The following SLC27A1 variants were observed in gnomAD, a reference collection of about 807,000 sequenced individuals.
SLC27A1 encodes solute carrier family 27 member 1.
Under a neutral mutation model 62.2 loss-of-function variants are expected in SLC27A1, and 61 were observed. The ratio of observed to expected loss-of-function variants is 0.98; its 90% CI spans 0.80 to 1.21. SLC27A1 has a LOEUF of 1.21. Ranked by LOEUF, SLC27A1 falls within the 50% of genes most tolerant of loss-of-function variation. The pLI is 0.00. For synonymous variants in SLC27A1, 435 were observed against 408.6 expected, an observed-to-expected ratio of 1.06 and a Z score of -0.78; for missense variants, 903 against 932.1, an observed-to-expected ratio of 0.97 and a Z score of 0.41.
At chr19:17,477,855 CCCA>C (rs2075139892) in intron 1 of SLC27A1, among the ~76,000 whole-genome samples, 1 of 151,870 alleles carries the variant, frequency 6.6e-6, no homozygotes, top group Non-Finnish European at 1.5e-5. Context: ...GCACCTGCCG[CCCA>C]CCTTTTTCTA....
chr19:17,482,695 G>T (rs1396337066), intron 1 of SLC27A1, among the ~76,000 whole-genome samples: 1 of 151,624 alleles, frequency 6.6e-6, no homozygotes. Flanking sequence ...AGAATGGAGC[G>T]GGAGGAGGGT....
chr19:17,486,452 C>CTCA lies in SLC27A1; in HGVS notation c.168-107_168-105dup, dbSNP rs957148319. 25 of 1,303,474 alleles carry CTCA rather than the reference C, an allele frequency of 1.9e-5. No individual in the cohort carries two copies. The highest frequency in any genetic ancestry group is 2.4e-5 in the Non-Finnish European group (23 of 973,766). 80.7% of individuals were successfully genotyped at this position (1,303,474 alleles called of 1,614,324 possible). A position where few individuals can be genotyped will look rare whatever the true frequency, so the allele number is the denominator to read the frequency against. On this transcript the variant is annotated intron_variant, in intron 1 of 11. Transcript: ENST00000252595. This position sits in a 1 kb window ranked among gnomAD's most constrained non-coding sequence, Gnocchi z 6.6. ...AGCCACCAAAAGTTTCACCATAGAC[C>CTCA]TCATCAAAGCCCCTGGCTGCCCTGG...
intron 10 of SLC27A1, 86 bp from the exon 11 acceptor site, chr19:17,501,187 C>A: frequency 1.3e-6 from 2 of 1,536,506 alleles, no homozygotes; most frequent in South Asian, 1.2e-5. Flanking sequence ...GATTACAGAC[C>A]AGGGGCTACT....
chr19:17,481,092 A>G (rs1189093693), intron 1 of SLC27A1, among the ~76,000 whole-genome samples: 2 of 149,676 alleles, frequency 1.3e-5, no homozygotes, highest in African/African-American at 2.5e-5. Context: ...CGCCCGGCCA[A>G]TTTTGTAATT....
At chr19:17,500,185 T>G in intron 7 of SLC27A1, 93 bp from the exon 8 acceptor site, 1 of 1,534,878 alleles carries the variant, frequency 6.5e-7, no homozygotes, top group Non-Finnish European at 8.8e-7. Flanking sequence ...CTGGAGGTGC[T>G]AGGTCCAAGC....
At chr19:17,497,503 C>G (rs1434714895) in intron 7 of SLC27A1, 39 bp downstream of exon 7, 2 of 1,533,218 alleles carry the variant, frequency 1.3e-6, no homozygotes, top group African/African-American at 1.4e-5. Context: ...TCTCGGAGTT[C>G]AGGGAAGACC....
At chr19:17,481,145 G>A (rs1599645999) in intron 1 of SLC27A1, among the ~76,000 whole-genome samples, 2 of 151,528 alleles carry the variant, frequency 1.3e-5, no homozygotes, top group Admixed American at 1.3e-4. Flanking sequence ...GGCTGGTCTC[G>A]AACTCCCAAC....
chr19:17,485,834 A>AG (rs1216482892), intron 1 of SLC27A1, among the ~76,000 whole-genome samples: 1 of 152,030 alleles, frequency 6.6e-6, no homozygotes, highest in African/African-American at 2.4e-5. Flanking sequence ...CAAAAAAAAA[A>AG]CAAAAAAACA....
intron 1 of SLC27A1, among the ~76,000 whole-genome samples, chr19:17,479,160 C>G (rs1372437933): frequency 6.6e-6 from 1 of 152,072 alleles, no homozygotes; most frequent in African/African-American, 2.4e-5. Context: ...AATCCTAGTA[C>G]TTTGGGAGGC....
rs1285342825 is a variant in SLC27A1, at chr19:17,493,352, C to T, written c.997-3903C>T. On this transcript the variant is annotated intron_variant, in intron 6 of 11. Transcript: ENST00000252595. Reference sequence around the variant, plus strand: ...CTGAGGCAGGAGAATCGTTTGAACCCGGGAAGTGGAGGTTGCAGTGAGCCG... The same window carrying T: ...CTGAGGCAGGAGAATCGTTTGAACCTGGGAAGTGGAGGTTGCAGTGAGCCG... 6.9e-5 allele frequency among the ~76,000 whole-genome samples: 9 copies of T among 129,606 alleles called. No homozygotes were observed. The East Asian group carries it at 9.9e-4, about 14-fold the overall frequency. The allele number at this position is 129,606 out of a possible 152,430, so 85.0% of individuals were successfully genotyped here.
At chr19:17,474,576 A>ACTTGTATG (rs1430247245) in intron 1 of SLC27A1, among the ~76,000 whole-genome samples, 31 of 144,244 alleles carry the variant, frequency 2.1e-4, no homozygotes, top group African/African-American at 7.2e-4. Flanking sequence ...TGCTCTTCCC[A>ACTTGTATG]CTTGTATGGT....
At chr19:17,492,956 G>T (rs140146054) in intron 6 of SLC27A1, among the ~76,000 whole-genome samples, 12 of 148,950 alleles carry the variant, frequency 8.1e-5, no homozygotes, top group Non-Finnish European at 1.5e-4. Flanking sequence ...AAAAAAGAAA[G>T]AAATAGAGGA....
chr19:17,474,208 T>A (rs544245767), intron 1 of SLC27A1, among the ~76,000 whole-genome samples: 21 of 152,298 alleles, frequency 1.4e-4, no homozygotes, highest in African/African-American at 4.8e-4. Context: ...CCTCCCAAAG[T>A]GCTAGGATTA....
intron 6 of SLC27A1, among the ~76,000 whole-genome samples, chr19:17,492,660 G>A (rs2075306049): frequency 6.6e-6 from 1 of 150,792 alleles, no homozygotes; most frequent in African/African-American, 2.4e-5. Flanking sequence ...GGACGGGGCC[G>A]GGCGCAGTGT....
At chr19:17,474,627 CTTTTTTTTTT>C (rs780611616) in intron 1 of SLC27A1, among the ~76,000 whole-genome samples, 1 of 131,420 alleles carries the variant, frequency 7.6e-6, no homozygotes, top group East Asian at 2.2e-4. Context: ...TGACCCCTTT[CTTTTTTTTTT>C]TTTTTTTTTT....
upstream of SLC27A1, chr19:17,470,337 G>C (rs2075061154): frequency 1.7e-6 from 1 of 577,218 alleles, no homozygotes; most frequent in African/African-American, 2.0e-5. Context: ...GCCTGGAAAG[G>C]GGCGATGCCT....
chr19:17,491,886 A>T (rs1181477766), intron 6 of SLC27A1, among the ~76,000 whole-genome samples: 1 of 151,454 alleles, frequency 6.6e-6, no homozygotes, highest in Non-Finnish European at 1.5e-5. Flanking sequence ...AAAAATAAAA[A>T]AAAGAAAAGA....
At chr19:17,496,432 A>C (rs922969257) in intron 6 of SLC27A1, 2 of 152,226 alleles carry the variant, frequency 1.3e-5, no homozygotes, top group African/African-American at 2.4e-5. Flanking sequence ...GATGTCCTGC[A>C]GGGGGAGCCC....
rs1023082082 is a variant in SLC27A1, at chr19:17,504,864, T to C, written c.*252T>C. ...CTTCCATCCCTGTCCCTGTCTGGCC[T>C]TAACTCTTCCCTCTTTTTCTTTTCT... On this transcript the variant is annotated 3_prime_UTR_variant, in exon 12 of 12. Coordinates refer to ENST00000252595, the MANE Select transcript of SLC27A1 (RefSeq NM_198580.3). 2.8e-5 allele frequency: 19 copies of C among 679,968 alleles called. No homozygotes were observed. In the African/African-American group the frequency reaches 2.8e-4, roughly 10 times the overall value. The allele number at this position is 679,968 out of a possible 1,614,324, so 42.1% of individuals were successfully genotyped here.
Sources: allele counts gnomAD v4.1 joint callset (sites outside exome capture counted in the v4.1 genomes callset), GRCh38; gene constraint gnomAD v4.1.1; non-coding constraint Gnocchi (gnomAD v3.1); transcripts MANE v1.5; gene names NCBI Gene and HGNC (gene_info 2026-07-23, HGNC 2026-07-21).